Variants in NRIP1 observed in about 807,000 individuals in gnomAD.
NRIP1 encodes nuclear receptor-interacting protein 1.
Under a neutral mutation model 75.0 loss-of-function variants are expected in NRIP1, and 28 were observed. The observed-to-expected ratio is 0.37, with a 90% CI of 0.28 to 0.51. The LOEUF (loss-of-function observed/expected upper bound fraction) is 0.51, where lower values mean the gene tolerates loss of function less well. Among genes scored for constraint, NRIP1 ranks in the 20% least tolerant of loss-of-function variants. The pLI, the probability that NRIP1 is intolerant of heterozygous loss-of-function variation, is 0.92. For synonymous variants in NRIP1, 526 were observed against 487.6 expected (o/e 1.08, Z -1.04); for missense variants, 1,435 against 1,343.7 (o/e 1.07, Z -1.06).
intron 1 of NRIP1, among the ~76,000 whole-genome samples, chr21:15,056,429 G>C (rs1378709390): frequency 6.6e-6 from 1 of 152,076 alleles, no homozygotes; most frequent in Non-Finnish European, 1.5e-5. Flanking sequence ...TATTGGAAAG[G>C]AATCAGATGG....
chr21:15,037,698 T>A (rs186310537), intron 2 of NRIP1, among the ~76,000 whole-genome samples: 76 of 152,190 alleles, frequency 5.0e-4, no homozygotes, highest in Non-Finnish European at 9.0e-4. Context: ...GCAAAAATAA[T>A]GTGGCAGAAT....
intron 1 of NRIP1, among the ~76,000 whole-genome samples, chr21:15,057,919 T>C (rs926249025): frequency 2.6e-5 from 4 of 152,182 alleles, no homozygotes; most frequent in African/African-American, 9.7e-5. Flanking sequence ...TTCCTTTCCC[T>C]GCTCCCCCTC....
intron 2 of NRIP1, among the ~76,000 whole-genome samples, chr21:15,033,688 A>G (rs62220725): frequency 0.099 from 15,099 of 152,268 alleles, 839 homozygotes; most frequent in Admixed American, 0.15. Flanking sequence ...CTGCTAAGAC[A>G]TACATTATTT....
chr21:15,017,443 T>C (rs756694411), intron 2 of NRIP1, among the ~76,000 whole-genome samples: 5 of 152,170 alleles, frequency 3.3e-5, no homozygotes, highest in Non-Finnish European at 5.9e-5. Flanking sequence ...CCAACACTCC[T>C]AGAACTAAGA....
chr21:14,965,898 A>C lies in NRIP1; in HGVS notation c.2295T>G (p.Ile765Met), dbSNP rs747227368. 3.7e-6 allele frequency: 6 copies of C among 1,613,962 alleles called. No homozygotes were observed. In the African/African-American group the frequency reaches 8.0e-5, roughly 22 times the overall value. Residue 765 changes from isoleucine to methionine, a missense_variant, in exon 4 of 4, where the codon ATT becomes ATG. Coordinates refer to ENST00000318948, the MANE Select transcript of NRIP1 (RefSeq NM_003489.4). ...GGCTCAAGTGCACATTTGTGTTAGG[A>C]ATTTGTAAGTCATCACAAGGCTCAG... ...IKSEPCDDLQ[I>M]PNTNVHLSHD...
At chr21:14,973,111 T>C (rs2086948916) in intron 3 of NRIP1, among the ~76,000 whole-genome samples, 1 of 152,260 alleles carries the variant, frequency 6.6e-6, no homozygotes, top group African/African-American at 2.4e-5. Context: ...TTTAAAGTTA[T>C]TAAACATTTG....
At chr21:14,982,078 G>A (rs1166756555) in intron 3 of NRIP1, among the ~76,000 whole-genome samples, 1 of 152,024 alleles carries the variant, frequency 6.6e-6, no homozygotes, top group African/African-American at 2.4e-5. Context: ...TCAAGCTCCT[G>A]GGCTCAAGAG....
intron 3 of NRIP1, among the ~76,000 whole-genome samples, chr21:15,007,935 G>A (rs1419179004): frequency 6.6e-6 from 1 of 152,084 alleles, no homozygotes; most frequent in Non-Finnish European, 1.5e-5. Flanking sequence ...AAAACACTAC[G>A]AGTAAAAACA....
intron 2 of NRIP1, among the ~76,000 whole-genome samples, chr21:15,033,865 G>C (rs1365622741): frequency 6.6e-6 from 1 of 152,146 alleles, no homozygotes; most frequent in Non-Finnish European, 1.5e-5. Flanking sequence ...AACAGTGTGA[G>C]ATCAATTGCC....
intron 3 of NRIP1, among the ~76,000 whole-genome samples, chr21:14,973,002 AT>A (rs2086945545): frequency 6.6e-6 from 1 of 152,186 alleles, no homozygotes; most frequent in Admixed American, 6.5e-5. Context: ...CAATTAATGT[AT>A]ATTTTGAAAC....
chr21:14,971,675 C>CA (rs1356536713), intron 3 of NRIP1: 1 of 151,778 alleles, frequency 6.6e-6, no homozygotes, highest in Non-Finnish European at 1.5e-5. Context: ...TCACCAAGCA[C>CA]AAAAAAATTA....
intron 3 of NRIP1, 83 bp downstream of exon 3, chr21:15,014,261 T>C (rs1334707274): frequency 7.6e-6 from 3 of 392,242 alleles, no homozygotes; most frequent in African/African-American, 2.1e-5. Flanking sequence ...TATAAGCTAA[T>C]TTATAACTGA....
chr21:15,029,716 C>G (rs1459631314), intron 2 of NRIP1, among the ~76,000 whole-genome samples: 1 of 152,064 alleles, frequency 6.6e-6, no homozygotes, highest in Non-Finnish European at 1.5e-5. Context: ...CTTTGAGAGG[C>G]TGAGGCAGGA....
intron 2 of NRIP1, among the ~76,000 whole-genome samples, chr21:15,035,717 C>T (rs1251144731): frequency 1.3e-5 from 2 of 151,892 alleles, no homozygotes; most frequent in African/African-American, 2.4e-5. Flanking sequence ...CCACCATGGC[C>T]GGTTGATTTT....
chr21:14,964,772 C>T lies in NRIP1; in HGVS notation c.3421G>A (p.Gly1141Arg), dbSNP rs1568933976. 6.3e-7 allele frequency: 1 copy of T among 1,593,346 alleles called. No individual in the cohort carries two copies. Among genetic ancestry groups the T allele is most frequent in the Non-Finnish European group, 8.5e-7 (1 of 1,173,786 alleles). ...CTTCCCAGAAGTCCATAAACTTCTC[C>T]ATTTGCGCTGTGTGGGCGAGAAGCA... The part of the protein sequence containing the change: ...NNASRPHSAN[G>R]EVYGLLGSVL... Residue 1141 changes from glycine (G) to arginine (R), a missense_variant, in exon 4 of 4, where the codon GGA (glycine) becomes AGA (arginine). By Grantham distance (125) the Gly-to-Arg change is moderately radical. Coordinates refer to ENST00000318948, the MANE Select transcript of NRIP1 (RefSeq NM_003489.4).
intron 2 of NRIP1, among the ~76,000 whole-genome samples, chr21:15,028,411 T>A (rs2088570431): frequency 6.6e-6 from 1 of 152,218 alleles, no homozygotes; most frequent in South Asian, 2.1e-4. Flanking sequence ...TGGGGTAAGA[T>A]CGCCTATTTA....
At chr21:15,004,375 A>T (rs1018729227) in intron 3 of NRIP1, among the ~76,000 whole-genome samples, 1 of 152,254 alleles carries the variant, frequency 6.6e-6, no homozygotes, top group Non-Finnish European at 1.5e-5. Context: ...TGGATAAAAA[A>T]ATAACTGCCA....
rs1343193181 is a variant in NRIP1 at position 14,962,966 on chromosome 21, A to G, written c.*1750T>C. The G allele has an allele frequency of 2.0e-5, 3 of 152,458 alleles. No homozygotes were observed. Among genetic ancestry groups the G allele is most frequent in the African/African-American group, 7.2e-5 (3 of 41,440 alleles). The allele number at this position is 152,458 out of a possible 1,614,324, so 9.4% of individuals were successfully genotyped here. ...AACCTGGTTCACAATTAAGAACAAA[A>G]TATCTGGTGAATGAATTGTGGATTG... On this transcript the variant is annotated 3_prime_UTR_variant, in exon 4 of 4. Coordinates refer to ENST00000318948, the MANE Select transcript of NRIP1 (RefSeq NM_003489.4).
At chr21:14,997,285 T>C (rs973410326) in intron 3 of NRIP1, among the ~76,000 whole-genome samples, 2 of 152,214 alleles carry the variant, frequency 1.3e-5, no homozygotes, top group Non-Finnish European at 2.9e-5. Context: ...AAATCATTTA[T>C]TGTAATTCTA....
Sources: allele counts gnomAD v4.1 joint callset (sites outside exome capture counted in the v4.1 genomes callset), GRCh38; gene constraint gnomAD v4.1.1; transcripts MANE v1.5; gene names NCBI Gene and HGNC (gene_info 2026-07-23, HGNC 2026-07-21).